Variants in KSR2 observed in about 807,000 individuals in gnomAD.
KSR2 encodes the protein kinase suppressor of ras 2.
A neutral mutation model predicts 107.8 loss-of-function variants in KSR2; 25 were observed. The ratio of observed to expected loss-of-function variants is 0.23; its 90% CI spans 0.17 to 0.32. The LOEUF (loss-of-function observed/expected upper bound fraction) is 0.32, where lower values mean the gene tolerates loss of function less well. Among genes scored for constraint, KSR2 ranks in the 10% least tolerant of loss-of-function variants. KSR2 has a pLI of 1.00. For missense variants in KSR2, 887 were observed against 1,268.9 expected (o/e 0.70, Z 4.57); for synonymous variants, 480 against 507.0 (o/e 0.95, Z 0.71).
chr12:117,949,542 A>G (rs1306578632), intron 1 of KSR2, among the ~76,000 whole-genome samples: 1 of 152,248 alleles, frequency 6.6e-6, no homozygotes, highest in Non-Finnish European at 1.5e-5. Context: ...AGCATGAAAG[A>G]AATTTTGTGG....
At chr12:117,543,092 T>C (rs1003612847) in intron 9 of KSR2, among the ~76,000 whole-genome samples, 2 of 152,228 alleles carry the variant, frequency 1.3e-5, no homozygotes. Flanking sequence ...AAACATTTAT[T>C]AACAGGATTT....
chr12:117,605,786 T>C (rs999622009), intron 5 of KSR2, among the ~76,000 whole-genome samples: 2 of 152,128 alleles, frequency 1.3e-5, no homozygotes, highest in African/African-American at 4.8e-5. Context: ...CGGAATACTA[T>C]GCAGCCATAA....
intron 6 of KSR2, among the ~76,000 whole-genome samples, chr12:117,579,800 C>T (rs1214756935): frequency 1.3e-5 from 2 of 152,194 alleles, no homozygotes; most frequent in African/African-American, 4.8e-5. Flanking sequence ...TTCAGACCAT[C>T]AGCTCACCTC....
intron 4 of KSR2, among the ~76,000 whole-genome samples, chr12:117,685,867 G>A (rs1456570312): frequency 1.3e-5 from 2 of 151,866 alleles, no homozygotes; most frequent in African/African-American, 2.4e-5. Context: ...CATTACCTAA[G>A]TTACCTTGGA....
intron 6 of KSR2, 53 bp downstream of exon 6, chr12:117,582,237 A>C: frequency 3.6e-4 from 534 of 1,492,936 alleles, no homozygotes; most frequent in Non-Finnish European, 4.5e-4. Context: ...CAGAGCCCCC[A>C]CCCCTCACAG....
intron 5 of KSR2, among the ~76,000 whole-genome samples, chr12:117,600,993 T>C (rs1457294315): frequency 6.6e-6 from 1 of 152,134 alleles, no homozygotes; most frequent in Non-Finnish European, 1.5e-5. Context: ...TCTAAGACTG[T>C]TTACTTACTT....
intron 16 of KSR2, among the ~76,000 whole-genome samples, chr12:117,477,754 C>T (rs1319995232): frequency 6.6e-6 from 1 of 152,220 alleles, no homozygotes; most frequent in Non-Finnish European, 1.5e-5. Flanking sequence ...AACACATCAT[C>T]CCATCCTATG....
chr12:117,715,354 G>C (rs569466940), intron 4 of KSR2, among the ~76,000 whole-genome samples: 16 of 152,292 alleles, frequency 1.1e-4, no homozygotes, highest in Admixed American at 9.1e-4. Flanking sequence ...CAACATTCAG[G>C]AATAATTGAG....
At chr12:117,573,371 G>A (rs775614564) in intron 7 of KSR2, among the ~76,000 whole-genome samples, 5 of 151,888 alleles carry the variant, frequency 3.3e-5, no homozygotes, top group African/African-American at 9.7e-5. Context: ...TGTCGTTGTC[G>A]TTGTCATTAA....
At chr12:117,929,562 C>CT (rs1404561299) in intron 1 of KSR2, among the ~76,000 whole-genome samples, 4 of 152,146 alleles carry the variant, frequency 2.6e-5, no homozygotes, top group Non-Finnish European at 4.4e-5. Context: ...TGAAAACAGA[C>CT]TAATACAAGC....
At chr12:117,552,228 G>A (rs1307008479) in intron 9 of KSR2, among the ~76,000 whole-genome samples, 1 of 152,170 alleles carries the variant, frequency 6.6e-6, no homozygotes, top group Non-Finnish European at 1.5e-5. Flanking sequence ...TTAACTATGG[G>A]CCAGGAAGTA....
chr12:117,751,615 G>C (rs1392266970), intron 4 of KSR2, among the ~76,000 whole-genome samples: 2 of 152,070 alleles, frequency 1.3e-5, no homozygotes, highest in East Asian at 3.9e-4. Context: ...GTTGTAACAG[G>C]GCATGTCCCC....
chr12:117,758,420 T>C (rs538741567), intron 4 of KSR2, among the ~76,000 whole-genome samples: 2 of 152,216 alleles, frequency 1.3e-5, no homozygotes, highest in Non-Finnish European at 2.9e-5. Context: ...CCAGGCTAAG[T>C]GGTCCCACGG....
intron 1 of KSR2, among the ~76,000 whole-genome samples, chr12:117,950,291 A>G (rs1413819067): frequency 6.6e-6 from 1 of 152,146 alleles, no homozygotes; most frequent in Non-Finnish European, 1.5e-5. Flanking sequence ...TACTTTTAAT[A>G]CATTAAACAA....
At chr12:117,822,380 A>T (rs1312547749) in intron 3 of KSR2, among the ~76,000 whole-genome samples, 1 of 152,148 alleles carries the variant, frequency 6.6e-6, no homozygotes, top group Non-Finnish European at 1.5e-5. Context: ...CCTTTCCTGT[A>T]ACATTATGAC....
intron 7 of KSR2, among the ~76,000 whole-genome samples, chr12:117,572,116 C>T (rs1411870714): frequency 3.3e-5 from 5 of 152,186 alleles, no homozygotes; most frequent in Non-Finnish European, 7.3e-5. Flanking sequence ...GCAAAATATG[C>T]TCAAGGCCTT....
At chr12:117,489,404 G>A (rs893565463) in intron 14 of KSR2, among the ~76,000 whole-genome samples, 13 of 152,040 alleles carry the variant, frequency 8.6e-5, no homozygotes, top group Non-Finnish European at 4.4e-5. Context: ...AAAACTAGCT[G>A]TGTGTAGTGG....
intron 1 of KSR2, among the ~76,000 whole-genome samples, chr12:117,868,207 C>T (rs1392567774): frequency 2.0e-5 from 3 of 152,128 alleles, no homozygotes; most frequent in Admixed American, 2.0e-4. Context: ...GTGGGTGGAT[C>T]ACCTGAGGTC....
chr12:117,825,391 G>A (rs534480449), intron 3 of KSR2, among the ~76,000 whole-genome samples: 1 of 152,116 alleles, frequency 6.6e-6, no homozygotes, highest in Non-Finnish European at 1.5e-5. Flanking sequence ...ATGGATAGGT[G>A]CATGGGTCGG....
Sources: allele counts gnomAD v4.1 joint callset (sites outside exome capture counted in the v4.1 genomes callset), GRCh38; gene constraint gnomAD v4.1.1; transcripts MANE v1.5; gene names NCBI Gene and HGNC (gene_info 2026-07-23, HGNC 2026-07-21).